Variants in AKAP9 observed in about 807,000 individuals in gnomAD.
AKAP9 encodes A-kinase anchor protein 9.
In AKAP9, 311 loss-of-function variants were observed where a neutral mutation model predicts 488.5. The ratio of observed to expected loss-of-function variants is 0.64; its 90% CI spans 0.58 to 0.70. The LOEUF (loss-of-function observed/expected upper bound fraction) is 0.70. Among genes scored for constraint, AKAP9 ranks in the 30% least tolerant of loss-of-function variants. The pLI, the probability that AKAP9 is intolerant of heterozygous loss-of-function variation, is 0.00. For missense variants in AKAP9, 4,215 were observed against 4,374.5 expected (o/e 0.96, Z 1.03); for synonymous variants, 1,462 against 1,483.5 (o/e 0.99, Z 0.33).
chr7:92,003,018 C>G lies in AKAP9; in HGVS notation c.3101C>G (p.Ser1034Ter). 1.2e-6 allele frequency: 2 copies of G among 1,613,382 alleles called. No individual in the cohort carries two copies. Among genetic ancestry groups the G allele is most frequent in the Non-Finnish European group, 1.7e-6 (2 of 1,179,578 alleles). The change falls in exon 8 of 50, where the codon TCA becomes TGA. Residue 1034 changes from serine to a stop codon, truncating the protein, a stop_gained. Transcript: ENST00000356239. LOFTEE classifies it high-confidence loss of function. The stretch of plus-strand genomic sequence containing the variant: ...ATGACAAGCAGGGGTGCTGAAGGAT[C>G]AGTTTCTAAAGTAAATAAAAGTTTT... ...VTMTSRGAEGSVSKVNKSFGE... is the reference protein window; with the variant it reads ...VTMTSRGAEG
chr7:92,009,852 A>G (rs1011575101), intron 8 of AKAP9, among the ~76,000 whole-genome samples: 4 of 152,218 alleles, frequency 2.6e-5, no homozygotes, highest in Non-Finnish European at 5.9e-5. Flanking sequence ...ATAGCAGGAA[A>G]AAAAATCCAT....
At chr7:91,949,282 G>C (rs1292804454) in intron 1 of AKAP9, among the ~76,000 whole-genome samples, 1 of 152,018 alleles carries the variant, frequency 6.6e-6, no homozygotes, top group Non-Finnish European at 1.5e-5. Flanking sequence ...ATATTTTTAG[G>C]CTTTTTGGGC....
Position 92,014,310 on chromosome 7 carries a change from A to C in AKAP9, c.3594A>C (p.Glu1198Asp), listed in dbSNP as rs1203845604. ...IGKLQKAVSE[E>D]CSYFLQTLCS... ...AACTTCAAAAGGCAGTGTCTGAAGA[A>C]TGTTCTTATTTTTTACAGGTAAAAT... Residue 1198 changes from glutamate to aspartate, a missense_variant, in exon 10 of 50, where the codon GAA becomes GAC. This residue lies in a region of AKAP9 where 2,361 missense variants were observed against 2,430.0 expected (regional missense o/e 0.97). Transcript: ENST00000356239. The C allele has an allele frequency of 6.2e-7, 1 of 1,612,464 alleles. No homozygotes were observed. The highest frequency in any genetic ancestry group is 1.1e-5 in the South Asian group (1 of 90,968).
intron 20 of AKAP9, among the ~76,000 whole-genome samples, chr7:92,044,094 C>T (rs151062040): frequency 3.9e-5 from 6 of 152,134 alleles, no homozygotes; most frequent in East Asian, 1.9e-4. Flanking sequence ...ACACTTTGTT[C>T]GGGATGATCT....
intron 1 of AKAP9, among the ~76,000 whole-genome samples, chr7:91,952,262 G>T (rs1792353318): frequency 1.3e-5 from 2 of 152,164 alleles, no homozygotes; most frequent in African/African-American, 4.8e-5. Context: ...TCTACAGGGA[G>T]CTATTTATTT....
At position 92,082,630 on chromosome 7, in the gene AKAP9, G is replaced by A. The variant is rs1813782399; in HGVS notation, c.8128G>A (p.Glu2710Lys). ...CAAAGCAGAACTTGCCAGTTATAAA[G>A]AAAAGGCTGAAAAACTTCAAGAAGA... is the stretch of plus-strand genomic sequence containing the variant. ...ATKAELASYK[E>K]KAEKLQEELL... The change falls in exon 32 of 50, where the codon GAA becomes AAA. Residue 2710 changes from glutamate (E) to lysine (K), a missense_variant. Physicochemically the swap from Glu to Lys is moderately conservative, Grantham distance 56. Transcript: ENST00000356239. The A allele has an allele frequency of 6.2e-7, 1 of 1,613,964 alleles. No homozygotes were observed.
At chr7:92,054,938 A>G (rs934740263) in intron 22 of AKAP9, among the ~76,000 whole-genome samples, 6 of 152,002 alleles carry the variant, frequency 3.9e-5, no homozygotes, top group Non-Finnish European at 7.4e-5. Context: ...CAGAAATGTT[A>G]TCTTTGAGAG....
chr7:92,036,585 TTA>T (rs1230729034), intron 16 of AKAP9, among the ~76,000 whole-genome samples: 2 of 152,230 alleles, frequency 1.3e-5, no homozygotes, highest in Non-Finnish European at 2.9e-5. Context: ...TTGTTCTCTA[TTA>T]TATCCTCCTG....
chr7:91,946,996 T>C (rs1335465050), intron 1 of AKAP9, among the ~76,000 whole-genome samples: 2 of 152,224 alleles, frequency 1.3e-5, no homozygotes, highest in African/African-American at 4.8e-5. Flanking sequence ...GGTAAATTGC[T>C]AAACAATAAG....
rs78221443 is a variant in AKAP9, at chr7:92,002,245, G to A, written c.2328G>A (p.Glu776=). ...AAAAATTTGCACAACTTGAAGCAGA[G>A]AATAGCATTCTTAAAGATGAAAAGA... ...LQEKFAQLEA[E]NSILKDEKKT... is the part of the protein sequence containing the mutation. The change falls in exon 8 of 50, where the codon GAG becomes GAA. Residue 776 remains glutamate (E), a synonymous_variant. Coordinates refer to ENST00000356239, the MANE Select transcript of AKAP9 (RefSeq NM_005751.5). 72 of 1,600,304 alleles carry A rather than the reference G, an allele frequency of 4.5e-5. No homozygotes were observed. The East Asian group carries it at 1.6e-3, about 35-fold the overall frequency.
At chr7:92,025,944 T>G (rs759284667) in intron 14 of AKAP9, among the ~76,000 whole-genome samples, 12 of 152,202 alleles carry the variant, frequency 7.9e-5, no homozygotes, top group Non-Finnish European at 1.6e-4. Flanking sequence ...AACATAGTGA[T>G]ATAACTAAAA....
chr7:91,961,146 T>C lies in AKAP9; in HGVS notation c.49-12565T>C, dbSNP rs545257454. 8.4e-4 allele frequency among the ~76,000 whole-genome samples: 128 copies of C among 152,218 alleles called. No individual in the cohort carries two copies. The South Asian group carries it at 0.023, about 28-fold the overall frequency. On this transcript the variant is annotated intron_variant, in intron 1 of 49. Coordinates refer to ENST00000356239, the MANE Select transcript of AKAP9 (RefSeq NM_005751.5). ...ATTCCAAATAGTTGATTTTTTTGAATTGACATTATAAAAACTTGGCTTTTT... is the reference window on the plus strand; with the variant it reads ...ATTCCAAATAGTTGATTTTTTTGAACTGACATTATAAAAACTTGGCTTTTT...
At chr7:92,006,160 CT>C (rs947453818) in intron 8 of AKAP9, among the ~76,000 whole-genome samples, 13 of 147,818 alleles carry the variant, frequency 8.8e-5, no homozygotes, top group Non-Finnish European at 9.0e-5. Context: ...TTTTCTTTTT[CT>C]TTTTTTTTTG....
At chr7:92,003,713 A>G (rs2130673424) in intron 8 of AKAP9, among the ~76,000 whole-genome samples, 1 of 152,196 alleles carries the variant, frequency 6.6e-6, no homozygotes, top group East Asian at 1.9e-4. Context: ...CCTGGGAGAA[A>G]AAAAAACCTT....
At chr7:92,028,295 T>TAAAAAA (rs57352733) in intron 14 of AKAP9, among the ~76,000 whole-genome samples, 30 of 65,084 alleles carry the variant, frequency 4.6e-4, no homozygotes, top group Admixed American at 8.7e-4. Flanking sequence ...CAATAAATAC[T>TAAAAAA]AAAAAAAAAA....
chr7:92,092,245 G>A (rs192911283), intron 38 of AKAP9: 3 of 152,292 alleles, frequency 2.0e-5, no homozygotes, highest in East Asian at 1.9e-4. Context: ...CAAACATGTA[G>A]TAAGGGTTTG....
chr7:92,104,338 CCACCACCA>C (rs1331240631), intron 46 of AKAP9, among the ~76,000 whole-genome samples: 1 of 151,766 alleles, frequency 6.6e-6, no homozygotes, highest in Non-Finnish European at 1.5e-5. Context: ...CTACAGGCGC[CCACCACCA>C]CACCCGGCTA....
rs187050262 is a variant in AKAP9 at position 92,000,680 on chromosome 7, T to A, written c.931-168T>A. Among the ~76,000 whole-genome samples the A allele has an allele frequency of 5.1e-3, 772 of 152,264 alleles. 2 individuals carry two copies. Among genetic ancestry groups the A allele is most frequent in the Non-Finnish European group, 8.3e-3 (564 of 68,018 alleles). ...CACAAGTAGTGTTGGTTACACGAGT[T>A]CTAAGTGTCATTATTGTGGAAAAAA... On this transcript the variant is annotated intron_variant, in intron 7 of 49. Transcript: ENST00000356239.
At position 92,080,599 on chromosome 7, in the gene AKAP9, C is replaced by CA. The variant is rs34870789; in HGVS notation, c.8019+459dup. 5.5e-4 allele frequency among the ~76,000 whole-genome samples: 78 copies of CA among 142,256 alleles called. No individual in the cohort carries two copies. The East Asian group carries it at 0.01, about 19-fold the overall frequency. 93.3% of individuals were successfully genotyped at this position (142,256 alleles called of 152,430 possible). On this transcript the variant is annotated intron_variant, in intron 31 of 49. Transcript: ENST00000356239. Reference sequence around the variant, plus strand: ...TGGGTGACAGAGCGAGACTCCATCTCAAAAAAAAAAAAGAAGAAGAAAAAC... The same window carrying CA: ...TGGGTGACAGAGCGAGACTCCATCTCAAAAAAAAAAAAAGAAGAAGAAAAAC...
Sources: gnomAD v4.1 joint callset for allele counts (sites outside exome capture counted in the v4.1 genomes callset) on GRCh38, gnomAD v4.1.1 for gene constraint, gnomAD v4.1.1 regional missense constraint, MANE v1.5 for transcripts, NCBI Gene and HGNC (gene_info 2026-07-23, HGNC 2026-07-21) for gene names.